ZFP64: variants seen among roughly 807,000 people sequenced by gnomAD.
ZFP64 encodes the protein ZFP64 zinc finger protein.
In ZFP64, 14 loss-of-function variants were observed where a neutral mutation model predicts 51.6. That is an observed-to-expected ratio of 0.27 (90% CI 0.18 to 0.42). The LOEUF is 0.42. ZFP64 is among the 10% of genes least tolerant of loss of function. The pLI is 1.00. For synonymous variants in ZFP64, 375 were observed against 361.4 expected, an observed-to-expected ratio of 1.04 and a Z score of -0.43; for missense variants, 754 against 906.8, an observed-to-expected ratio of 0.83 and a Z score of 2.16.
At chr20:52,139,262 C>T (rs1972858069) in intron 5 of ZFP64, among the ~76,000 whole-genome samples, 1 of 152,158 alleles carries the variant, frequency 6.6e-6, no homozygotes, top group South Asian at 2.1e-4. Context: ...CCTAGATGCC[C>T]ATCAATGGTG....
chr20:52,087,584 G>T (rs1000722273), intron 8 of ZFP64, among the ~76,000 whole-genome samples: 4 of 152,172 alleles, frequency 2.6e-5, no homozygotes, highest in African/African-American at 9.7e-5. Context: ...GATGACTCAT[G>T]ATCCTTGGTG....
intron 5 of ZFP64, among the ~76,000 whole-genome samples, chr20:52,113,523 G>A (rs1321805899): frequency 1.4e-5 from 2 of 140,286 alleles, no homozygotes; most frequent in South Asian, 2.3e-4. Flanking sequence ...TGTCTCCTGC[G>A]TTCAATCGAT....
chr20:52,141,197 T>G (rs1289843938), intron 5 of ZFP64, among the ~76,000 whole-genome samples: 1 of 152,240 alleles, frequency 6.6e-6, no homozygotes, highest in Non-Finnish European at 1.5e-5. Flanking sequence ...TCATGCCTGC[T>G]AACATAACCT....
At chr20:52,179,033 G>A (rs906229165) in intron 2 of ZFP64, among the ~76,000 whole-genome samples, 1 of 152,126 alleles carries the variant, frequency 6.6e-6, no homozygotes, top group Non-Finnish European at 1.5e-5. Flanking sequence ...ATCTTGAATT[G>A]TAACTCCCAC....
chr20:52,160,205 G>T lies in ZFP64; in HGVS notation c.681C>A (p.Asp227Glu), dbSNP rs199865929. Residue 227 changes from aspartate to glutamate, a missense_variant, in exon 5 of 6, where the codon GAC becomes GAA. By Grantham distance (45) the Asp-to-Glu change is conservative. Coordinates refer to ENST00000216923, the MANE Select transcript of ZFP64 (RefSeq NM_018197.3). This position sits in a 1 kb window ranked among gnomAD's most constrained non-coding sequence, Gnocchi z 4.2. ...AGATCTGGCATTTGAAGGGCCGCTC[G>T]TCCGAGTGGATCCTCAGGTGCTTGT... is the stretch of plus-strand genomic sequence containing the variant. The part of the protein sequence containing the change: ...SLNKHLRIHS[D>E]ERPFKCQICP... 9.9e-6 allele frequency: 16 copies of T among 1,614,166 alleles called. No individual in the cohort carries two copies. The Admixed American group carries it at 1.2e-4, about 12-fold the overall frequency.
intron 4 of ZFP64, among the ~76,000 whole-genome samples, chr20:52,163,516 A>G (rs1981998971): frequency 1.3e-5 from 2 of 152,228 alleles, no homozygotes. Context: ...TCAATACTTG[A>G]AACTTAATAT....
intron 2 of ZFP64, among the ~76,000 whole-genome samples, chr20:52,173,663 T>G (rs1004058494): frequency 7.9e-5 from 12 of 151,994 alleles, no homozygotes; most frequent in African/African-American, 2.9e-4. Context: ...TTTTTCTTTT[T>G]TTTTGAGACG....
rs189548587 is a variant in ZFP64, at chr20:52,153,775, G to T, written c.764-347C>A. On this transcript the variant is annotated intron_variant, in intron 5 of 5. Coordinates refer to ENST00000216923, the MANE Select transcript of ZFP64 (RefSeq NM_018197.3). This position sits in a 1 kb window ranked among gnomAD's most constrained non-coding sequence, Gnocchi z 5.1. Reference sequence around the variant, plus strand: ...AATTTGCCCACTCTGCTAGTTAATGGTTCACAGTTGAAGACTTTTGCACAA... The same window carrying T: ...AATTTGCCCACTCTGCTAGTTAATGTTTCACAGTTGAAGACTTTTGCACAA... Among the ~76,000 whole-genome samples the T allele has an allele frequency of 6.6e-6, 1 of 152,278 alleles. No homozygotes were observed. The highest frequency in any genetic ancestry group is 2.4e-5 in the African/African-American group (1 of 41,550).
At chr20:52,143,427 T>C (rs1403061473) in intron 5 of ZFP64, among the ~76,000 whole-genome samples, 1 of 143,364 alleles carries the variant, frequency 7.0e-6, no homozygotes, top group East Asian at 2.4e-4. Context: ...TTTTGAATGA[T>C]TTTGTAGGCA....
chr20:52,113,883 T>G (rs1413893655), intron 5 of ZFP64, among the ~76,000 whole-genome samples: 3 of 152,144 alleles, frequency 2.0e-5, no homozygotes. Flanking sequence ...ATAGGTGCTG[T>G]GATCAAAATA....
At chr20:52,171,346 G>A (rs749847675) in intron 2 of ZFP64, among the ~76,000 whole-genome samples, 1 of 151,962 alleles carries the variant, frequency 6.6e-6, no homozygotes, top group Non-Finnish European at 1.5e-5. Flanking sequence ...ATCCCCAGGG[G>A]GTGTGTGTGC....
At chr20:52,172,331 G>A (rs766134937) in intron 2 of ZFP64, among the ~76,000 whole-genome samples, 1 of 151,876 alleles carries the variant, frequency 6.6e-6, no homozygotes, top group African/African-American at 2.4e-5. Flanking sequence ...TTCTTTTGTC[G>A]GTAAAATGGG....
rs190927947 is a variant in ZFP64, at chr20:52,166,143, C to T, written c.287-118G>A. On this transcript the variant is annotated intron_variant, in intron 2 of 5. Transcript: ENST00000216923. The stretch of plus-strand genomic sequence containing the variant: ...TAGTTTGCTTTCCCAGCCTCCCTTG[C>T]GGCTTCACAGTGATCATGTGACCCA... 1.6e-3 allele frequency: 1,603 copies of T among 1,009,116 alleles called. 8 individuals are homozygous for T. Among genetic ancestry groups the T allele is most frequent in the Admixed American group, 2.7e-3 (87 of 32,724 alleles). 62.5% of individuals were successfully genotyped at this position (1,009,116 alleles called of 1,614,324 possible). A position where few individuals can be genotyped will look rare whatever the true frequency, so the allele number is the denominator to read the frequency against.
rs1179974906 is a variant in ZFP64 at position 52,086,503 on chromosome 20, A to T, written c.1229-1237T>A. ...ATTTTTTTTTTTTTTTTTGATACAG[A>T]GTCTCACTCTGTCGCCCAGGCTGGA... On this transcript the variant is annotated intron_variant, in intron 8 of 8. Transcript: ENST00000361387. 2.8e-5 allele frequency among the ~76,000 whole-genome samples: 4 copies of T among 144,462 alleles called. No individual in the cohort carries two copies. The East Asian group carries it at 8.1e-4, about 29-fold the overall frequency. The allele number at this position is 144,462 out of a possible 152,430, so 94.8% of individuals were successfully genotyped here. A position where few individuals can be genotyped will look rare whatever the true frequency, so the allele number is the denominator to read the frequency against.
At chr20:52,106,751 G>A (rs758427987) in intron 5 of ZFP64, among the ~76,000 whole-genome samples, 1 of 152,178 alleles carries the variant, frequency 6.6e-6, no homozygotes, top group Non-Finnish European at 1.5e-5. Context: ...AACGCTTCAA[G>A]TCTTCTTTGG....
intron 5 of ZFP64, among the ~76,000 whole-genome samples, chr20:52,120,150 G>A (rs1323089905): frequency 6.6e-6 from 1 of 152,176 alleles, no homozygotes; most frequent in African/African-American, 2.4e-5. Flanking sequence ...CCATTTATGA[G>A]AAAGTGGGGT....
At chr20:52,110,954 A>G in intron 5 of ZFP64, 3 of 1,546,304 alleles carry the variant, frequency 1.9e-6, no homozygotes, top group Non-Finnish European at 2.7e-6. Context: ...TGGGTGTTGA[A>G]CTTCACCAAG....
Position 52,098,702 on chromosome 20 carries a change from A to T in ZFP64, c.764-115T>A, listed in dbSNP as rs116692701. On this transcript the variant is annotated intron_variant, in intron 5 of 8. Coordinates refer to the ZFP64 transcript ENST00000361387. ...CCCTTCACCTTTCCAGAAAAAATTT[A>T]AAAAAAATGAAAGCCATGTGACCAG... 2.7e-3 allele frequency: 3,672 copies of T among 1,365,420 alleles called. 69 individuals are homozygous for T. The African/African-American group carries it at 0.044, about 16-fold the overall frequency. The allele number at this position is 1,365,420 out of a possible 1,614,324, so 84.6% of individuals were successfully genotyped here. A position where few individuals can be genotyped will look rare whatever the true frequency, so the allele number is the denominator to read the frequency against.
chr20:52,126,543 A>G (rs1445552603), intron 5 of ZFP64, among the ~76,000 whole-genome samples: 1 of 152,218 alleles, frequency 6.6e-6, no homozygotes, highest in South Asian at 2.1e-4. Flanking sequence ...AAGATGCCCT[A>G]TAAAGATGAC....
Sources: gnomAD v4.1 joint callset for allele counts (sites outside exome capture counted in the v4.1 genomes callset) on GRCh38, gnomAD v4.1.1 for gene constraint, Gnocchi (gnomAD v3.1) non-coding constraint, MANE v1.5 for transcripts, NCBI Gene and HGNC (gene_info 2026-07-23, HGNC 2026-07-21) for gene names.